Variants in TMEM132C observed in about 807,000 individuals in gnomAD.
TMEM132C encodes transmembrane protein 132C.
Under a neutral mutation model 61.4 loss-of-function variants are expected in TMEM132C, and 29 were observed. The ratio of observed to expected loss-of-function variants is 0.47; its 90% CI spans 0.35 to 0.64. TMEM132C has a LOEUF of 0.64. TMEM132C is among the 30% of genes least tolerant of loss of function. The pLI is 0.00. For synonymous variants in TMEM132C, 656 were observed against 633.1 expected (o/e 1.04, Z -0.54); for missense variants, 1,408 against 1,476.9 (o/e 0.95, Z 0.76).
intron 2 of TMEM132C, among the ~76,000 whole-genome samples, chr12:128,423,391 G>A (rs1283653092): frequency 6.6e-6 from 1 of 152,190 alleles, no homozygotes; most frequent in Non-Finnish European, 1.5e-5. Context: ...TGCTGCATGT[G>A]CCTAACAGCT....
At chr12:128,513,898 TC>T (rs1168472445) in intron 2 of TMEM132C, among the ~76,000 whole-genome samples, 2 of 152,214 alleles carry the variant, frequency 1.3e-5, no homozygotes, top group Admixed American at 6.5e-5. Context: ...CGGAGCCTGT[TC>T]CAAGGACAGG....
Position 128,280,286 on chromosome 12 carries a change from A to G in TMEM132C, c.85+12799A>G, listed in dbSNP as rs191998199. ...AGAGGAGTGTGATACACAAATTCAC[A>G]TGCTGGCCAGGGGCAACATTTTCAA... is the stretch of plus-strand genomic sequence containing the variant. On this transcript the variant is annotated intron_variant, in intron 1 of 8. Coordinates refer to ENST00000435159, the MANE Select transcript of TMEM132C (RefSeq NM_001136103.3). 2.3e-3 allele frequency among the ~76,000 whole-genome samples: 350 copies of G among 152,332 alleles called. 3 individuals carry two copies. Among genetic ancestry groups the G allele is most frequent in the Non-Finnish European group, 2.2e-3 (151 of 68,034 alleles).
intron 1 of TMEM132C, among the ~76,000 whole-genome samples, chr12:128,348,059 C>T (rs1372767460): frequency 6.6e-6 from 1 of 152,196 alleles, no homozygotes; most frequent in Admixed American, 6.5e-5. Flanking sequence ...TATGCATCTT[C>T]CAGTCCATGA....
chr12:128,656,270 C>T (rs1406975812), intron 4 of TMEM132C, among the ~76,000 whole-genome samples: 13 of 152,250 alleles, frequency 8.5e-5, no homozygotes, highest in East Asian at 1.9e-4. Flanking sequence ...AGGCTGGTCT[C>T]GAACTCCTGA....
intron 4 of TMEM132C, among the ~76,000 whole-genome samples, chr12:128,643,610 T>G (rs1954174543): frequency 6.6e-6 from 1 of 152,160 alleles, no homozygotes; most frequent in Non-Finnish European, 1.5e-5. Flanking sequence ...GGGCAGATTT[T>G]TAAAAATCCA....
At chr12:128,295,647 AAAAAAAAAG>A (rs879881881) in intron 1 of TMEM132C, among the ~76,000 whole-genome samples, 29 of 142,142 alleles carry the variant, frequency 2.0e-4, no homozygotes, top group Admixed American at 2.8e-4. Flanking sequence ...TCAAAAAAAA[AAAAAAAAAG>A]AAAGAAAAAA....
At chr12:128,287,552 A>G (rs1466057711) in intron 1 of TMEM132C, among the ~76,000 whole-genome samples, 7 of 150,450 alleles carry the variant, frequency 4.7e-5, no homozygotes, top group Admixed American at 3.3e-4. Flanking sequence ...TCTAGGTGCA[A>G]TTTTTCTGAA....
chr12:128,320,961 C>A (rs1484920398), intron 1 of TMEM132C, among the ~76,000 whole-genome samples: 2 of 151,578 alleles, frequency 1.3e-5, no homozygotes, highest in Non-Finnish European at 2.9e-5. Flanking sequence ...GTCAATTAGG[C>A]ACACAATTGT....
chr12:128,296,844 G>A (rs1278100614), intron 1 of TMEM132C, among the ~76,000 whole-genome samples: 4 of 152,110 alleles, frequency 2.6e-5, no homozygotes, highest in African/African-American at 9.7e-5. Flanking sequence ...TATACTATAA[G>A]TGTTTTCTTC....
At chr12:128,673,043 T>G (rs1954547951) in intron 5 of TMEM132C, among the ~76,000 whole-genome samples, 2 of 152,222 alleles carry the variant, frequency 1.3e-5, no homozygotes, top group Admixed American at 1.3e-4. Context: ...AAGAGGCCAG[T>G]GACACTTGCA....
At position 128,482,062 on chromosome 12, in the gene TMEM132C, C is replaced by T. The variant is rs565282728; in HGVS notation, c.975-61895C>T. On this transcript the variant is annotated intron_variant, in intron 2 of 8. Transcript: ENST00000435159. ...AAGTAGCTCATATTATTTTGAGATACGTTCCATTAATGCCTAGTTTATTGA... is the reference window on the plus strand; with the variant it reads ...AAGTAGCTCATATTATTTTGAGATATGTTCCATTAATGCCTAGTTTATTGA... Among the ~76,000 whole-genome samples, 74 of 152,218 alleles carry T rather than the reference C, an allele frequency of 4.9e-4. 1 individual carries two copies. Among genetic ancestry groups the T allele is most frequent in the African/African-American group, 1.7e-3 (70 of 41,534 alleles).
chr12:128,638,227 G>A (rs762513496), intron 4 of TMEM132C, among the ~76,000 whole-genome samples: 4 of 152,054 alleles, frequency 2.6e-5, no homozygotes, highest in Non-Finnish European at 4.4e-5. Context: ...TCACATATTT[G>A]GTCTTGTTTT....
intron 1 of TMEM132C, among the ~76,000 whole-genome samples, chr12:128,371,639 C>T (rs1219330612): frequency 1.3e-5 from 2 of 152,194 alleles, no homozygotes; most frequent in South Asian, 2.1e-4. Flanking sequence ...GTGGCACAAT[C>T]GCAGCTCACT....
chr12:128,574,809 C>T (rs530619607), intron 3 of TMEM132C, among the ~76,000 whole-genome samples: 2 of 152,292 alleles, frequency 1.3e-5, no homozygotes, highest in East Asian at 1.9e-4. Flanking sequence ...TGAATTTGGC[C>T]AGTGCAGGCA....
Position 128,343,938 on chromosome 12 carries a change from G to A in TMEM132C, c.86-70794G>A, listed in dbSNP as rs536689998. ...GCTTTGTGAATTAATTTCATTTAGC[G>A]TGAGGTTTTGTTGTTCATTGTGTCA... On this transcript the variant is annotated intron_variant, in intron 1 of 8. Transcript: ENST00000435159. Among the ~76,000 whole-genome samples, 45 of 152,288 alleles carry A rather than the reference G, an allele frequency of 3.0e-4. 1 individual carries two copies. The South Asian group carries it at 8.1e-3, about 27-fold the overall frequency.
intron 2 of TMEM132C, among the ~76,000 whole-genome samples, chr12:128,449,829 G>A (rs548454179): frequency 4.6e-5 from 7 of 152,292 alleles, no homozygotes; most frequent in South Asian, 2.1e-4. Context: ...TTTCCATGTC[G>A]AAACTCTTTG....
intron 1 of TMEM132C, among the ~76,000 whole-genome samples, chr12:128,411,983 T>A (rs1868569446): frequency 6.6e-6 from 1 of 152,324 alleles, no homozygotes; most frequent in South Asian, 2.1e-4. Flanking sequence ...GAAAGTAGTT[T>A]CAGAATTGCT....
intron 1 of TMEM132C, among the ~76,000 whole-genome samples, chr12:128,353,201 C>T (rs1265597227): frequency 6.6e-6 from 1 of 152,154 alleles, no homozygotes; most frequent in East Asian, 1.9e-4. Context: ...CCATGTTTAT[C>T]AACAGTGAAT....
At chr12:128,373,582 C>T (rs981417948) in intron 1 of TMEM132C, among the ~76,000 whole-genome samples, 1 of 152,196 alleles carries the variant, frequency 6.6e-6, no homozygotes, top group Non-Finnish European at 1.5e-5. Context: ...CTCTCCCATG[C>T]GTAGCGTAGT....
Sources: gnomAD v4.1 joint callset for allele counts (sites outside exome capture counted in the v4.1 genomes callset) on GRCh38, gnomAD v4.1.1 for gene constraint, MANE v1.5 for transcripts, NCBI Gene and HGNC (gene_info 2026-07-23, HGNC 2026-07-21) for gene names.